RANBP9: variants seen among roughly 807,000 people sequenced by gnomAD.
RANBP9 encodes the protein ran-binding protein 9.
In RANBP9, 15 loss-of-function variants were observed where a neutral mutation model predicts 84.3. That is an observed-to-expected ratio of 0.18 (90% confidence interval 0.12 to 0.27). The LOEUF (loss-of-function observed/expected upper bound fraction) is 0.27. Among genes scored for constraint, RANBP9 ranks in the 10% least tolerant of loss-of-function variants. The pLI, the probability that RANBP9 is intolerant of heterozygous loss-of-function variation, is 1.00. For synonymous variants in RANBP9, 392 were observed against 349.6 expected (o/e 1.12, Z -1.35); for missense variants, 809 against 912.8 (o/e 0.89, Z 1.46).
chr6:13,660,969 GCT>G (rs1765527429), intron 2 of RANBP9, among the ~76,000 whole-genome samples: 1 of 152,204 alleles, frequency 6.6e-6, no homozygotes, highest in African/African-American at 2.4e-5. Flanking sequence ...GACCTGCAAA[GCT>G]CTGAGTCTAT....
At chr6:13,670,876 T>C (rs1294023410) in intron 2 of RANBP9, among the ~76,000 whole-genome samples, 3 of 151,100 alleles carry the variant, frequency 2.0e-5, no homozygotes, top group African/African-American at 7.3e-5. Flanking sequence ...AAGGATACTG[T>C]CAAGGAAACT....
Position 13,711,298 on chromosome 6 carries a change from G to T in RANBP9, c.208C>A (p.His70Asn). The stretch of plus-strand genomic sequence containing the variant: ...GCCGGGGGCGGCGGCGGCGGAGGGT[G>T]GAGGAGCAGGGCGGCCGCCGCGGCC... Reference protein sequence around the residue: ...LGAAAAALLLHPPPPPPPATA... With the variant: ...LGAAAAALLLNPPPPPPPATA... The change falls in exon 1 of 14, where the codon CAC (histidine) becomes AAC (asparagine). Residue 70 changes from histidine to asparagine, a missense_variant. Coordinates refer to ENST00000011619, the MANE Select transcript of RANBP9 (RefSeq NM_005493.3). 9.7e-7 allele frequency: 1 copy of T among 1,031,034 alleles called. No individual in the cohort carries two copies. The highest frequency in any genetic ancestry group is 1.2e-6 in the Non-Finnish European group (1 of 861,546). 63.9% of individuals were successfully genotyped at this position (1,031,034 alleles called of 1,614,324 possible). A position where few individuals can be genotyped will look rare whatever the true frequency, so the allele number is the denominator to read the frequency against.
chr6:13,652,644 TAA>T lies in RANBP9; in HGVS notation c.927+13_927+14del. The T allele has an allele frequency of 6.4e-7, 1 of 1,570,846 alleles. No homozygotes were observed. Among genetic ancestry groups the T allele is most frequent in the Non-Finnish European group, 8.7e-7 (1 of 1,150,256 alleles). On this transcript the variant is annotated intron_variant, in intron 5 of 13. Coordinates refer to ENST00000011619, the MANE Select transcript of RANBP9 (RefSeq NM_005493.3). Reference sequence around the variant, plus strand: ...GTAATTAAAAATGGAAAACTGCTTTTAAAAAAAGTCTTACCGGTAGGTCAGTG... The same window carrying T: ...GTAATTAAAAATGGAAAACTGCTTTTAAAAAGTCTTACCGGTAGGTCAGTG...
In RANBP9 at chr6:13,711,474, TGCGGCGGCG is replaced by T. The variant is rs747486243; in HGVS notation, c.23_31del (p.Pro8_Pro10del). 2.3e-4 allele frequency: 281 copies of T among 1,234,008 alleles called. No individual in the cohort carries two copies. Among genetic ancestry groups the T allele is most frequent in the Admixed American group, 3.9e-4 (11 of 28,510 alleles). 76.4% of individuals were successfully genotyped at this position (1,234,008 alleles called of 1,614,324 possible). ...CAGCTGCTGCTGCTGTTGCTGCTGCTGCGGCGGCGGCGGCGGCGGCTGCCCGGACATCCC... is the reference window on the plus strand; with the variant it reads ...CAGCTGCTGCTGCTGTTGCTGCTGCTGCGGCGGCGGCTGCCCGGACATCCC... On this transcript the variant is annotated inframe_deletion, in exon 1 of 14. Transcript: ENST00000011619.
intron 2 of RANBP9, among the ~76,000 whole-genome samples, chr6:13,660,659 T>C (rs765892501): frequency 4.6e-5 from 7 of 152,188 alleles, no homozygotes; most frequent in Non-Finnish European, 8.8e-5. Context: ...AATATATAAT[T>C]TTGATCAAGA....
At chr6:13,684,722 G>C (rs550086175) in intron 2 of RANBP9, among the ~76,000 whole-genome samples, 18 of 152,284 alleles carry the variant, frequency 1.2e-4, no homozygotes, top group Non-Finnish European at 2.4e-4. Flanking sequence ...TCCCTAAAGG[G>C]ATACTCTAAC....
intron 10 of RANBP9, among the ~76,000 whole-genome samples, chr6:13,634,798 T>C (rs1337043740): frequency 6.6e-6 from 1 of 152,218 alleles, no homozygotes; most frequent in Non-Finnish European, 1.5e-5. Flanking sequence ...GTAGTGGTTT[T>C]ATGACTTTAC....
In RANBP9 at chr6:13,704,513, T is replaced by A. The variant is rs139334653; in HGVS notation, c.571+6422A>T. 6.0e-3 allele frequency among the ~76,000 whole-genome samples: 912 copies of A among 151,958 alleles called. 12 individuals are homozygous for A. Among genetic ancestry groups the A allele is most frequent in the African/African-American group, 0.021 (858 of 41,410 alleles). ...GGGAATGGTGGCACGTGCCTGTAGTTGCAGCTATTCAGGATGCTGAGGTGG... is the reference window on the plus strand; with the variant it reads ...GGGAATGGTGGCACGTGCCTGTAGTAGCAGCTATTCAGGATGCTGAGGTGG... On this transcript the variant is annotated intron_variant, in intron 1 of 13. Transcript: ENST00000011619.
chr6:13,682,717 A>G (rs1311791436), intron 2 of RANBP9, among the ~76,000 whole-genome samples: 2 of 152,154 alleles, frequency 1.3e-5, no homozygotes, highest in African/African-American at 4.8e-5. Context: ...CTCCCAAATT[A>G]CTGATATTTT....
At chr6:13,639,453 C>T in intron 9 of RANBP9, 110 bp downstream of exon 9, 1 of 1,221,430 alleles carries the variant, frequency 8.2e-7, no homozygotes. Context: ...GCTGGGATTA[C>T]AAGCGTGAGC....
chr6:13,632,453 G>T lies in RANBP9; in HGVS notation c.1864C>A (p.His622Asn), dbSNP rs769985943. ...ATTGCTTGCAGCTCTCGTCCAAAGT[G>T]GATCATTCTTTCTATGGCGGCCTGA... ...GSQAAIERMI[H>N]FGRELQAMSE... The change falls in exon 12 of 14, where the codon CAC (histidine) becomes AAC (asparagine). Residue 622 changes from histidine (H) to asparagine (N), a missense_variant. By Grantham distance (68) the His-to-Asn change is moderately conservative. Coordinates refer to ENST00000011619, the MANE Select transcript of RANBP9 (RefSeq NM_005493.3). 29 of 1,613,708 alleles carry T rather than the reference G, an allele frequency of 1.8e-5. No homozygotes were observed. Among genetic ancestry groups the T allele is most frequent in the Middle Eastern group, 1.6e-4 (1 of 6,082 alleles).
chr6:13,623,786 G>A (rs367951297), intron 13 of RANBP9, among the ~76,000 whole-genome samples: 12 of 152,100 alleles, frequency 7.9e-5, no homozygotes, highest in East Asian at 5.8e-4. Context: ...TACAGGAATC[G>A]CATACATTTA....
intron 12 of RANBP9, among the ~76,000 whole-genome samples, chr6:13,629,917 CTCTCGT>C (rs756666065): frequency 6.7e-4 from 84 of 124,462 alleles, no homozygotes; most frequent in African/African-American, 1.3e-3. Flanking sequence ...CTCTCTCTCT[CTCTCGT>C]GTGTGTGTGT....
At chr6:13,633,065 C>T (rs1268620028) in intron 11 of RANBP9, among the ~76,000 whole-genome samples, 2 of 151,104 alleles carry the variant, frequency 1.3e-5, no homozygotes, top group African/African-American at 4.9e-5. Context: ...TGGAGTCTCA[C>T]ACTCTGTCAC....
Position 13,696,887 on chromosome 6 carries a change from T to C in RANBP9, c.581A>G (p.Lys194Arg). 2 of 1,612,646 alleles carry C rather than the reference T, an allele frequency of 1.2e-6. No homozygotes were observed. Among genetic ancestry groups the C allele is most frequent in the Non-Finnish European group, 1.7e-6 (2 of 1,178,974 alleles). Residue 194 changes from lysine to arginine, a missense_variant, in exon 2 of 14, where the codon AAA becomes AGA. Lys to Arg is a conservative substitution (Grantham distance 26, BLOSUM62 2). Coordinates refer to ENST00000011619, the MANE Select transcript of RANBP9 (RefSeq NM_005493.3). ...AACTGACGCGGCATCTTTTGGGGTT[T>C]TGCCATGACCTGCATAGAAACAGGA... ...NLRVHYKGHGKTPKDAASVRA... is the reference protein window; with the variant it reads ...NLRVHYKGHGRTPKDAASVRA...
chr6:13,630,775 C>T (rs973383034), intron 12 of RANBP9, among the ~76,000 whole-genome samples: 1 of 152,024 alleles, frequency 6.6e-6, no homozygotes, highest in Non-Finnish European at 1.5e-5. Flanking sequence ...ATACAGCTCA[C>T]CTATTAAACC....
chr6:13,642,554 C>A lies in RANBP9; in HGVS notation c.1150G>T (p.Ala384Ser). The A allele has an allele frequency of 6.2e-7, 1 of 1,611,330 alleles. No individual in the cohort carries two copies. Among genetic ancestry groups the A allele is most frequent in the Non-Finnish European group, 8.5e-7 (1 of 1,178,186 alleles). The change falls in exon 7 of 14, where the codon GCC (alanine) becomes TCC (serine). Residue 384 changes from alanine to serine, a missense_variant. Transcript: ENST00000011619. ...SSYLVHHGYC[A>S]TAEAFARSTD... ...GATCTGGCAAAGGCCTCTGCTGTGG[C>A]ACAGTACCCATGGTGGACTAAATAA...
At chr6:13,650,791 C>T (rs931427759) in intron 5 of RANBP9, among the ~76,000 whole-genome samples, 6 of 152,016 alleles carry the variant, frequency 3.9e-5, no homozygotes, top group Non-Finnish European at 8.8e-5. Context: ...GGCGAAACCC[C>T]GTCTCTACCA....
At chr6:13,636,311 A>G (rs1764938931) in intron 10 of RANBP9, among the ~76,000 whole-genome samples, 1 of 152,230 alleles carries the variant, frequency 6.6e-6, no homozygotes, top group Admixed American at 6.5e-5. Flanking sequence ...AATGGTTTAA[A>G]TAGTTAATAC....
Sources: allele counts gnomAD v4.1 joint callset (sites outside exome capture counted in the v4.1 genomes callset), GRCh38; gene constraint gnomAD v4.1.1; transcripts MANE v1.5; gene names NCBI Gene and HGNC (gene_info 2026-07-23, HGNC 2026-07-21).